OTOP1: variants seen among roughly 807,000 people sequenced by gnomAD.
OTOP1 encodes the protein proton channel OTOP1.
Under a neutral mutation model 52.9 loss-of-function variants are expected in OTOP1, and 59 were observed. That is an observed-to-expected ratio of 1.12 (90% CI 0.91 to 1.39). The LOEUF (loss-of-function observed/expected upper bound fraction) is 1.39. Ranked by LOEUF, OTOP1 falls within the 40% of genes most tolerant of loss-of-function variation. The pLI, the probability that OTOP1 is intolerant of heterozygous loss-of-function variation, is 0.00. For missense variants in OTOP1, 761 were observed against 800.9 expected (o/e 0.95, Z 0.60); for synonymous variants, 317 against 337.7 (o/e 0.94, Z 0.67).
intron 2 of OTOP1, 82 bp from the exon 3 acceptor site, chr4:4,206,212 A>C: frequency 1.8e-5 from 21 of 1,186,784 alleles, no homozygotes; most frequent in Non-Finnish European, 2.3e-5. Flanking sequence ...TATAAAACTC[A>C]AAGAAAATGT....
Position 4,226,865 on chromosome 4 carries a change from C to A in OTOP1, c.-1G>T. ...CGGGCGACCCCAGGCCCTCGAGCATCTTCGAGACACCCGCGCCAAGTCTGG... is the reference window on the plus strand; with the variant it reads ...CGGGCGACCCCAGGCCCTCGAGCATATTCGAGACACCCGCGCCAAGTCTGG... On this transcript the variant is annotated 5_prime_UTR_variant, in exon 1 of 6. Transcript: ENST00000296358. The A allele has an allele frequency of 7.6e-7, 1 of 1,324,312 alleles. No individual in the cohort carries two copies. The allele number at this position is 1,324,312 out of a possible 1,614,324, so 82.0% of individuals were successfully genotyped here.
chr4:4,195,003 T>C (rs2108795980), intron 5 of OTOP1, among the ~76,000 whole-genome samples: 1 of 152,328 alleles, frequency 6.6e-6, no homozygotes, highest in East Asian at 1.9e-4. Flanking sequence ...CCAGTCTTTC[T>C]GCTTCTGGCC....
chr4:4,221,251 T>C (rs1378073197), intron 1 of OTOP1, among the ~76,000 whole-genome samples: 1 of 151,614 alleles, frequency 6.6e-6, no homozygotes, highest in Non-Finnish European at 1.5e-5. Flanking sequence ...CCCCTGTCTC[T>C]ACAAAAATCA....
At chr4:4,224,252 C>T (rs945801096) in intron 1 of OTOP1, among the ~76,000 whole-genome samples, 1 of 151,434 alleles carries the variant, frequency 6.6e-6, no homozygotes, top group Non-Finnish European at 1.5e-5. Flanking sequence ...GAGGCTGAGG[C>T]AGGAGAATCG....
chr4:4,218,074 A>G (rs1196057134), intron 1 of OTOP1, among the ~76,000 whole-genome samples: 2 of 152,152 alleles, frequency 1.3e-5, no homozygotes, highest in African/African-American at 4.8e-5. Context: ...TTTGAGGCGA[A>G]ATTCTATTAA....
intron 4 of OTOP1, among the ~76,000 whole-genome samples, chr4:4,198,736 C>T: frequency 6.6e-6 from 1 of 152,110 alleles, no homozygotes; most frequent in East Asian, 1.9e-4. Flanking sequence ...GAGAAGCTGG[C>T]TGCGGTATGG....
intron 2 of OTOP1, among the ~76,000 whole-genome samples, chr4:4,208,194 A>G (rs1363149123): frequency 6.6e-6 from 1 of 152,342 alleles, no homozygotes; most frequent in East Asian, 1.9e-4. Context: ...GAAATTCAAC[A>G]CAGCTATTTT....
At chr4:4,190,782 C>G (rs991062480) in intron 5 of OTOP1, among the ~76,000 whole-genome samples, 1 of 152,154 alleles carries the variant, frequency 6.6e-6, no homozygotes, top group Non-Finnish European at 1.5e-5. Context: ...GCTGCTGTGA[C>G]CCTTAGGGGC....
At chr4:4,224,878 C>T (rs536974356) in intron 1 of OTOP1, among the ~76,000 whole-genome samples, 46 of 152,030 alleles carry the variant, frequency 3.0e-4, no homozygotes, top group Non-Finnish European at 5.9e-4. Context: ...TCCTGCCAGG[C>T]ATTTGTGAAG....
At chr4:4,226,431 G>A (rs73191871) in intron 1 of OTOP1, 31 bp downstream of exon 1, 4 of 1,403,868 alleles carry the variant, frequency 2.8e-6, no homozygotes, top group Non-Finnish European at 3.7e-6. Flanking sequence ...GCGAGGAGGC[G>A]GAGACCCGCT....
In OTOP1 at chr4:4,188,755, T is replaced by C. The variant is rs937884145; in HGVS notation, c.*48A>G. 2.8e-5 allele frequency: 43 copies of C among 1,513,294 alleles called. No individual in the cohort carries two copies. The highest frequency in any genetic ancestry group is 3.6e-5 in the Non-Finnish European group (41 of 1,127,964). The allele number at this position is 1,513,294 out of a possible 1,614,324, so 93.7% of individuals were successfully genotyped here. A position where few individuals can be genotyped will look rare whatever the true frequency, so the allele number is the denominator to read the frequency against. On this transcript the variant is annotated 3_prime_UTR_variant, in exon 6 of 6. Coordinates refer to ENST00000296358, the MANE Select transcript of OTOP1 (RefSeq NM_177998.3). ...CCCAACCTGGCCACTCCTAGTTGGC[T>C]CCAATGAACTCTTGTTAGCTCACTC...
intron 1 of OTOP1, among the ~76,000 whole-genome samples, chr4:4,220,779 T>C (rs895384023): frequency 2.6e-5 from 4 of 152,170 alleles, no homozygotes; most frequent in South Asian, 2.1e-4. Flanking sequence ...ACCCATCCAG[T>C]GATGGCAGAG....
At chr4:4,220,098 TATATATA>T (rs374733653) in intron 1 of OTOP1, among the ~76,000 whole-genome samples, 136 of 106,216 alleles carry the variant, frequency 1.3e-3, no homozygotes, top group African/African-American at 2.7e-3. Context: ...TATATATATA[TATATATA>T]TTTTTTTTTT....
intron 1 of OTOP1, among the ~76,000 whole-genome samples, chr4:4,219,675 C>T (rs982993458): frequency 7.2e-6 from 1 of 139,228 alleles, no homozygotes; most frequent in Non-Finnish European, 1.6e-5. Flanking sequence ...CCAGCCTGGG[C>T]GACAGAGCGA....
intron 4 of OTOP1, among the ~76,000 whole-genome samples, chr4:4,201,639 C>A (rs576717834): frequency 1.3e-5 from 2 of 152,028 alleles, no homozygotes; most frequent in Non-Finnish European, 2.9e-5. Flanking sequence ...TTCAAAGTGG[C>A]TCTCCAGGAC....
At chr4:4,210,595 C>T (rs1717004760) in intron 2 of OTOP1, among the ~76,000 whole-genome samples, 1 of 152,128 alleles carries the variant, frequency 6.6e-6, no homozygotes, top group Non-Finnish European at 1.5e-5. Flanking sequence ...CTTTGGGAGG[C>T]CGAGGCAGGT....
At chr4:4,224,750 A>C (rs1184690692) in intron 1 of OTOP1, among the ~76,000 whole-genome samples, 5 of 152,220 alleles carry the variant, frequency 3.3e-5, no homozygotes, top group African/African-American at 1.2e-4. Flanking sequence ...GAAGTCTAAA[A>C]TCTCTTCTGG....
At chr4:4,222,789 A>C (rs1453611703) in intron 1 of OTOP1, among the ~76,000 whole-genome samples, 1 of 152,174 alleles carries the variant, frequency 6.6e-6, no homozygotes, top group Non-Finnish European at 1.5e-5. Context: ...CTGTCTTTCT[A>C]GCTAGAATTC....
rs748162087 is a variant in OTOP1 at position 4,226,464 on chromosome 4, C to G, written c.401G>C (p.Arg134Pro). The change falls in exon 1 of 6, where the codon CGC (arginine) becomes CCC (proline). Residue 134 changes from arginine (R) to proline (P), a missense_variant and splice_region_variant. Arg to Pro is a moderately radical substitution (Grantham distance 103, BLOSUM62 -2). Coordinates refer to ENST00000296358, the MANE Select transcript of OTOP1 (RefSeq NM_177998.3). ...KDTHAGAGWL[R>P]GSITLFAVIT... is the part of the protein sequence containing the mutation. ...GCTCGCCCGGCGCCTGGACTCACCG[C>G]GCAGCCAGCCGGCACCCGCGTGCGT... The G allele has an allele frequency of 2.1e-6, 3 of 1,451,628 alleles. No homozygotes were observed. Among genetic ancestry groups the G allele is most frequent in the Admixed American group, 4.6e-5 (2 of 43,640 alleles). 89.9% of individuals were successfully genotyped at this position (1,451,628 alleles called of 1,614,324 possible).
Sources: allele counts gnomAD v4.1 joint callset (sites outside exome capture counted in the v4.1 genomes callset), GRCh38; gene constraint gnomAD v4.1.1; transcripts MANE v1.5; gene names NCBI Gene and HGNC (gene_info 2026-07-23, HGNC 2026-07-21).